The following PDE10A variants were observed in gnomAD, a reference collection of about 807,000 sequenced individuals.
PDE10A encodes cAMP and cAMP-inhibited cGMP 3',5'-cyclic phosphodiesterase 10A.
A neutral mutation model predicts 97.7 loss-of-function variants in PDE10A; 39 were observed. The observed-to-expected ratio is 0.40, with a 90% CI of 0.31 to 0.52. The LOEUF (loss-of-function observed/expected upper bound fraction) is 0.52, where lower values mean the gene tolerates loss of function less well. Ranked by LOEUF, PDE10A falls within the 20% of genes least tolerant of loss-of-function variation. The pLI is 0.56. For synonymous variants in PDE10A, 371 were observed against 376.8 expected (o/e 0.98, Z 0.18); for missense variants, 731 against 1,047.8 (o/e 0.70, Z 4.17).
At chr6:165,435,070 T>C (rs1789899686) in intron 6 of PDE10A, among the ~76,000 whole-genome samples, 167 bp downstream of exon 6, 1 of 152,190 alleles carries the variant, frequency 6.6e-6, no homozygotes. Flanking sequence ...TAAAGGGAAT[T>C]TTCTGAGTAC....
chr6:165,763,952 C>T (rs983807079), intron 1 of PDE10A, among the ~76,000 whole-genome samples: 4 of 152,210 alleles, frequency 2.6e-5, no homozygotes, highest in Admixed American at 1.3e-4. Context: ...TTATTATCCC[C>T]ATTTTGTTAT....
chr6:165,600,088 C>T (rs1255693407), intron 1 of PDE10A, among the ~76,000 whole-genome samples: 1 of 152,196 alleles, frequency 6.6e-6, no homozygotes, highest in Non-Finnish European at 1.5e-5. Flanking sequence ...CTCACACACC[C>T]CTCCCCAGCC....
intron 1 of PDE10A, among the ~76,000 whole-genome samples, chr6:165,853,517 T>G (rs1186820780): frequency 6.6e-6 from 1 of 152,234 alleles, no homozygotes; most frequent in Non-Finnish European, 1.5e-5. Flanking sequence ...CGATTTCCAT[T>G]CAGGATATTA....
At chr6:165,513,137 G>A (rs1014171546) in intron 2 of PDE10A, among the ~76,000 whole-genome samples, 1 of 151,910 alleles carries the variant, frequency 6.6e-6, no homozygotes. Flanking sequence ...CCCCACCAAA[G>A]ACCATACTTT....
chr6:165,567,393 T>C (rs990612466), intron 1 of PDE10A, among the ~76,000 whole-genome samples: 2 of 152,214 alleles, frequency 1.3e-5, no homozygotes, highest in Admixed American at 6.5e-5. Flanking sequence ...GTTGTGGAAA[T>C]GGCATTCAAA....
At chr6:165,985,055 C>G (rs1785144797) in intron 1 of PDE10A, among the ~76,000 whole-genome samples, 1 of 152,240 alleles carries the variant, frequency 6.6e-6, no homozygotes, top group African/African-American at 2.4e-5. Context: ...TCTGGATACT[C>G]TGCCCAGCTC....
intron 10 of PDE10A, among the ~76,000 whole-genome samples, chr6:165,421,681 T>TA (rs1383438439): frequency 6.6e-6 from 1 of 152,200 alleles, no homozygotes; most frequent in Non-Finnish European, 1.5e-5. Flanking sequence ...GAGGTATACA[T>TA]ATTTGAAGAG....
Position 165,711,389 on chromosome 6 carries a change from T to A in PDE10A, c.-614-167821A>T, listed in dbSNP as rs1392105191. ...GCCGTGCTGCACGTGCAAACACAGG[T>A]CCTAATGCTTGATTCAGAGCCACGG... On this transcript the variant is annotated intron_variant, in intron 1 of 19. Transcript: ENST00000366882. This position sits in a 1 kb window ranked among gnomAD's most constrained non-coding sequence, Gnocchi z 4.5. Among the ~76,000 whole-genome samples, 1 of 152,092 alleles carries A rather than the reference T, an allele frequency of 6.6e-6. No homozygotes were observed. The highest frequency in any genetic ancestry group is 2.4e-5 in the African/African-American group (1 of 41,420).
chr6:165,486,590 C>T (rs188991515), intron 2 of PDE10A, among the ~76,000 whole-genome samples: 2 of 152,288 alleles, frequency 1.3e-5, no homozygotes, highest in East Asian at 3.9e-4. Context: ...CCTTAACTCA[C>T]GTCTGTTCGC....
chr6:165,714,622 A>C (rs898359425), intron 1 of PDE10A, among the ~76,000 whole-genome samples: 1 of 152,230 alleles, frequency 6.6e-6, no homozygotes, highest in Non-Finnish European at 1.5e-5. Flanking sequence ...GCCCATCCAC[A>C]GGGGTGTCCC....
intron 1 of PDE10A, among the ~76,000 whole-genome samples, chr6:165,875,746 T>TTTTTG (rs780504850): frequency 2.8e-3 from 419 of 147,068 alleles, no homozygotes; most frequent in East Asian, 4.6e-3. Context: ...TTTTTTTTTT[T>TTTTTG]TGTGTGTGTG....
At chr6:165,967,086 C>T (rs549680621) in intron 1 of PDE10A, among the ~76,000 whole-genome samples, 1 of 152,224 alleles carries the variant, frequency 6.6e-6, no homozygotes, top group East Asian at 1.9e-4. Context: ...AAGTGCTTGC[C>T]GTATATGGAA....
chr6:165,956,651 A>G (rs1158074813), intron 1 of PDE10A, among the ~76,000 whole-genome samples: 2 of 152,216 alleles, frequency 1.3e-5, no homozygotes, highest in African/African-American at 4.8e-5. Context: ...GATTTACCAG[A>G]TCCTGCCTTT....
chr6:165,911,319 G>A (rs146273482), intron 1 of PDE10A, among the ~76,000 whole-genome samples: 76 of 152,134 alleles, frequency 5.0e-4, no homozygotes, highest in African/African-American at 1.8e-3. Context: ...TTCCCCAAAG[G>A]GCAGCATTCC....
rs619882 is a variant in PDE10A at position 165,525,550 on chromosome 6, C to T, written c.994+17890G>A. 8.3e-4 allele frequency among the ~76,000 whole-genome samples: 126 copies of T among 151,624 alleles called. 4 individuals carry two copies. In the South Asian group the frequency reaches 0.024, roughly 29 times the overall value. ...TACTCATCCCAGCCTTAGAGGGTCC[C>T]GAAGATATACCCTTGACCAATTCTT... On this transcript the variant is annotated intron_variant, in intron 2 of 21. Coordinates refer to ENST00000539869, the MANE Select transcript of PDE10A (RefSeq NM_001385079.1).
At chr6:165,799,734 A>C (rs1583109103) in intron 1 of PDE10A, among the ~76,000 whole-genome samples, 1 of 152,234 alleles carries the variant, frequency 6.6e-6, no homozygotes, top group Non-Finnish European at 1.5e-5. Context: ...AAATAAGTTC[A>C]GTAAACTCTC....
At chr6:165,843,176 A>G (rs999599784) in intron 1 of PDE10A, among the ~76,000 whole-genome samples, 9 of 152,212 alleles carry the variant, frequency 5.9e-5, no homozygotes, top group African/African-American at 2.2e-4. Flanking sequence ...GTCTAAGGCT[A>G]CAAGCCATGG....
chr6:165,466,911 G>A (rs1778686788), intron 3 of PDE10A, among the ~76,000 whole-genome samples: 1 of 152,154 alleles, frequency 6.6e-6, no homozygotes, highest in Non-Finnish European at 1.5e-5. Context: ...TGGGTCTCTT[G>A]CTCCAGTTAG....
At chr6:165,843,595 T>C (rs1373939254) in intron 1 of PDE10A, among the ~76,000 whole-genome samples, 1 of 152,110 alleles carries the variant, frequency 6.6e-6, no homozygotes, top group African/African-American at 2.4e-5. Context: ...TGAAGCCTCC[T>C]TTCCACGGAC....
Sources: gnomAD v4.1 joint callset for allele counts (sites outside exome capture counted in the v4.1 genomes callset) on GRCh38, gnomAD v4.1.1 for gene constraint, Gnocchi (gnomAD v3.1) non-coding constraint, MANE v1.5 for transcripts, NCBI Gene and HGNC (gene_info 2026-07-23, HGNC 2026-07-21) for gene names.